Variants in NDUFAF2 observed in about 807,000 individuals in gnomAD.
NDUFAF2 encodes the protein NADH dehydrogenase [ubiquinone] 1 alpha subcomplex assembly factor 2.
Under a neutral mutation model 22.8 loss-of-function variants are expected in NDUFAF2, and 13 were observed. That is an observed-to-expected ratio of 0.57 (90% CI 0.37 to 0.91). The LOEUF (loss-of-function observed/expected upper bound fraction) is 0.91, where lower values mean the gene tolerates loss of function less well. Among genes scored for constraint, NDUFAF2 ranks in the 40% least tolerant of loss-of-function variants. NDUFAF2 has a pLI of 0.01. For missense variants in NDUFAF2, 162 were observed against 195.2 expected (o/e 0.83, Z 1.01); for synonymous variants, 53 against 64.2 (o/e 0.83, Z 0.84).
intron 2 of NDUFAF2, among the ~76,000 whole-genome samples, chr5:61,080,361 A>ATT (rs1752427180): frequency 6.6e-6 from 1 of 152,238 alleles, no homozygotes; most frequent in Non-Finnish European, 1.5e-5. Context: ...AAAACTGCCA[A>ATT]GATATTTTTC....
chr5:60,984,653 A>G (rs538951342), intron 1 of NDUFAF2, among the ~76,000 whole-genome samples: 2 of 152,106 alleles, frequency 1.3e-5, no homozygotes, highest in Admixed American at 1.3e-4. Context: ...TATTGAGATA[A>G]TGTGGTTTTT....
At chr5:60,971,482 T>A (rs1394553847) in intron 1 of NDUFAF2, among the ~76,000 whole-genome samples, 1 of 151,484 alleles carries the variant, frequency 6.6e-6, no homozygotes, top group Non-Finnish European at 1.5e-5. Context: ...AGAAACAGGG[T>A]TTCACCGTGT....
intron 1 of NDUFAF2, among the ~76,000 whole-genome samples, chr5:61,040,286 A>ACGCGCGCGCG (rs1323303366): frequency 8.6e-5 from 8 of 93,092 alleles, no homozygotes; most frequent in Admixed American, 2.0e-4. Flanking sequence ...ACACACACAC[A>ACGCGCGCGCG]CGCGCGCGCG....
chr5:61,115,537 TC>T (rs1752901301), intron 3 of NDUFAF2: 1 of 152,128 alleles, frequency 6.6e-6, no homozygotes, highest in African/African-American at 2.4e-5. Flanking sequence ...GACCTCTTGC[TC>T]CCCTCTCCTC....
intron 2 of NDUFAF2, among the ~76,000 whole-genome samples, chr5:61,080,218 C>G (rs1044603445): frequency 1.5e-4 from 23 of 152,086 alleles, no homozygotes; most frequent in African/African-American, 5.6e-4. Context: ...TACTTTATAG[C>G]AATTATGAGT....
intron 1 of NDUFAF2, among the ~76,000 whole-genome samples, chr5:61,000,265 A>C (rs556120614): frequency 6.6e-6 from 1 of 152,016 alleles, no homozygotes; most frequent in African/African-American, 2.4e-5. Flanking sequence ...TTTAGTGTTC[A>C]TTTGCCACAT....
chr5:61,063,752 A>G (rs1752194686), intron 1 of NDUFAF2, among the ~76,000 whole-genome samples: 1 of 152,138 alleles, frequency 6.6e-6, no homozygotes, highest in African/African-American at 2.4e-5. Context: ...ATGAATGATA[A>G]AGAGAAATGA....
At chr5:61,103,324 C>T (rs961143661) in intron 3 of NDUFAF2, among the ~76,000 whole-genome samples, 2 of 152,152 alleles carry the variant, frequency 1.3e-5, no homozygotes, top group Non-Finnish European at 2.9e-5. Flanking sequence ...CTCCCATCAA[C>T]TGGCATACTC....
chr5:61,075,438 T>TA (rs1580123608), intron 2 of NDUFAF2, among the ~76,000 whole-genome samples: 2 of 152,230 alleles, frequency 1.3e-5, no homozygotes, highest in African/African-American at 4.8e-5. Context: ...GCTTTCTTAT[T>TA]TTAGCAGACT....
At chr5:61,094,105 G>A (rs556575533) in intron 2 of NDUFAF2, among the ~76,000 whole-genome samples, 76 of 152,116 alleles carry the variant, frequency 5.0e-4, no homozygotes, top group Non-Finnish European at 7.4e-4. Context: ...GCGATACCCC[G>A]TATCTTTTAG....
intron 1 of NDUFAF2, among the ~76,000 whole-genome samples, chr5:60,988,305 C>T (rs1751110113): frequency 6.6e-6 from 1 of 152,148 alleles, no homozygotes; most frequent in African/African-American, 2.4e-5. Context: ...GAAAACATTT[C>T]GTGTTCACTG....
intron 3 of NDUFAF2, among the ~76,000 whole-genome samples, chr5:61,122,069 A>G (rs1006916169): frequency 6.6e-5 from 10 of 151,898 alleles, no homozygotes; most frequent in South Asian, 2.1e-4. Flanking sequence ...GCCTCAAGCA[A>G]TCTACCCACC....
intron 1 of NDUFAF2, among the ~76,000 whole-genome samples, chr5:61,005,973 T>C (rs1312972819): frequency 2.0e-5 from 3 of 152,204 alleles, no homozygotes; most frequent in African/African-American, 7.2e-5. Flanking sequence ...ATTTTGGCTT[T>C]TGTTGCCATT....
At chr5:61,152,332 G>C (rs1741255585) in intron 3 of NDUFAF2, among the ~76,000 whole-genome samples, 1 of 151,946 alleles carries the variant, frequency 6.6e-6, no homozygotes, top group Middle Eastern at 3.4e-3. Context: ...TTTCTCACCA[G>C]TGGAAAAGTA....
intron 1 of NDUFAF2, among the ~76,000 whole-genome samples, chr5:61,016,539 C>T (rs187461787): frequency 1.4e-3 from 218 of 152,202 alleles, no homozygotes; most frequent in Non-Finnish European, 2.1e-3. Flanking sequence ...GAATTTGAAG[C>T]TTTCTTCTTT....
chr5:61,127,407 A>T (rs56159106), intron 3 of NDUFAF2, among the ~76,000 whole-genome samples: 2 of 151,824 alleles, frequency 1.3e-5, no homozygotes, highest in African/African-American at 4.8e-5. Context: ...GGCAAACTGA[A>T]TCAAGCAGCA....
intron 1 of NDUFAF2, among the ~76,000 whole-genome samples, chr5:61,051,411 A>C (rs955988708): frequency 6.6e-6 from 1 of 152,176 alleles, no homozygotes. Flanking sequence ...TAATAGCCAA[A>C]GAGACAAAGT....
intron 1 of NDUFAF2, among the ~76,000 whole-genome samples, chr5:60,948,364 C>A (rs745655573): frequency 6.6e-6 from 1 of 152,034 alleles, no homozygotes; most frequent in Non-Finnish European, 1.5e-5. Flanking sequence ...AGATGTGTGC[C>A]ACCCTGCCCA....
intron 1 of NDUFAF2, among the ~76,000 whole-genome samples, chr5:61,016,579 A>G (rs1002372726): frequency 5.9e-5 from 9 of 152,176 alleles, no homozygotes; most frequent in Non-Finnish European, 1.5e-5. Flanking sequence ...TACCACACTA[A>G]TATATTGTCT....
Sources: allele counts gnomAD v4.1 joint callset (sites outside exome capture counted in the v4.1 genomes callset), GRCh38; gene constraint gnomAD v4.1.1; transcripts MANE v1.5; gene names NCBI Gene and HGNC (gene_info 2026-07-23, HGNC 2026-07-21).